The following KIF13B variants were observed in gnomAD, a reference collection of about 807,000 sequenced individuals.
KIF13B encodes the protein kinesin family member 13B, also known as kinesin-like protein KIF13B.
In KIF13B, 127 loss-of-function variants were observed where a neutral mutation model predicts 222.0. The observed-to-expected ratio is 0.57, with a 90% CI of 0.50 to 0.66. The LOEUF (loss-of-function observed/expected upper bound fraction) is 0.66. KIF13B is among the 30% of genes least tolerant of loss of function. KIF13B has a pLI of 0.00. For missense variants in KIF13B, 2,173 were observed against 2,379.0 expected, an observed-to-expected ratio of 0.91 and a Z score of 1.80; for synonymous variants, 976 against 919.0, an observed-to-expected ratio of 1.06 and a Z score of -1.12.
intron 36 of KIF13B, among the ~76,000 whole-genome samples, chr8:29,095,733 C>T (rs936237356): frequency 2.2e-4 from 34 of 152,150 alleles, no homozygotes; most frequent in African/African-American, 8.2e-4. Flanking sequence ...GGCCACTGCA[C>T]TCCAGCCTGG....
intron 2 of KIF13B, among the ~76,000 whole-genome samples, chr8:29,207,195 T>C (rs1219661328): frequency 6.6e-6 from 1 of 152,196 alleles, no homozygotes; most frequent in African/African-American, 2.4e-5. Context: ...CCTACGCCCG[T>C]GCTTATGCCT....
In KIF13B at chr8:29,070,403, CT is replaced by C. The variant is rs1807196807; in HGVS notation, c.*100del. ...GCAAAAAGCATTCATCGCCCTGCCCCTGGGGAAGGGGCCACCGGGCTCCTGG... is the reference window on the plus strand; with the variant it reads ...GCAAAAAGCATTCATCGCCCTGCCCCGGGGAAGGGGCCACCGGGCTCCTGG... On this transcript the variant is annotated 3_prime_UTR_variant, in exon 40 of 40. Coordinates refer to ENST00000524189, the MANE Select transcript of KIF13B (RefSeq NM_015254.4). The surrounding 1 kb of genome is among the most constrained non-coding windows in gnomAD (Gnocchi z 4.1). 1 of 1,367,220 alleles carries C rather than the reference CT, an allele frequency of 7.3e-7. No individual in the cohort carries two copies. Among genetic ancestry groups the C allele is most frequent in the Non-Finnish European group, 1.0e-6 (1 of 993,022 alleles). The allele number at this position is 1,367,220 out of a possible 1,614,324, so 84.7% of individuals were successfully genotyped here.
At chr8:29,208,296 A>C (rs1814048464) in intron 2 of KIF13B, among the ~76,000 whole-genome samples, 1 of 152,224 alleles carries the variant, frequency 6.6e-6, no homozygotes, top group African/African-American at 2.4e-5. Flanking sequence ...ATATGTGCAT[A>C]TTAATTTATT....
chr8:29,241,894 A>G (rs772101871), intron 2 of KIF13B, among the ~76,000 whole-genome samples: 1 of 152,134 alleles, frequency 6.6e-6, no homozygotes, highest in African/African-American at 2.4e-5. Context: ...GAAAAAAAGT[A>G]TGTTCGAGTT....
At chr8:29,098,321 T>C (rs34193330) in intron 36 of KIF13B, among the ~76,000 whole-genome samples, 1,802 of 148,720 alleles carry the variant, frequency 0.012, 22 homozygotes, top group Non-Finnish European at 0.02. Flanking sequence ...TAAATAAACT[T>C]GCCGGGTGCA....
intron 2 of KIF13B, among the ~76,000 whole-genome samples, chr8:29,235,543 G>A (rs1815469727): frequency 6.6e-6 from 1 of 152,158 alleles, no homozygotes; most frequent in South Asian, 2.1e-4. Context: ...AATCAATCAA[G>A]AGGCATCTAG....
chr8:29,185,142 C>T (rs567182788), intron 6 of KIF13B, among the ~76,000 whole-genome samples: 10 of 152,202 alleles, frequency 6.6e-5, no homozygotes, highest in Non-Finnish European at 1.0e-4. Flanking sequence ...CACTGAACTG[C>T]TGGATCATTC....
At chr8:29,136,133 G>C (rs998850734) in intron 21 of KIF13B, among the ~76,000 whole-genome samples, 25 of 152,044 alleles carry the variant, frequency 1.6e-4, no homozygotes, top group African/African-American at 5.6e-4. Flanking sequence ...AAACCAAACT[G>C]AGCAAACAAT....
chr8:29,101,969 T>C (rs1808808590), intron 35 of KIF13B, among the ~76,000 whole-genome samples: 3 of 152,134 alleles, frequency 2.0e-5, no homozygotes, highest in South Asian at 2.1e-4. Flanking sequence ...AAAGTGTGGT[T>C]CAGGGTCCGG....
At chr8:29,230,534 G>A (rs920217148) in intron 2 of KIF13B, among the ~76,000 whole-genome samples, 1 of 152,198 alleles carries the variant, frequency 6.6e-6, no homozygotes, top group African/African-American at 2.4e-5. Flanking sequence ...ACAGACAAGG[G>A]CATGCGAGAG....
At chr8:29,073,738 T>G (rs1403865857) in intron 38 of KIF13B, among the ~76,000 whole-genome samples, 1 of 152,170 alleles carries the variant, frequency 6.6e-6, no homozygotes, top group African/African-American at 2.4e-5. Flanking sequence ...GCTTGATAAA[T>G]CATGCGTTTT....
At chr8:29,259,329 T>G (rs540779593) in intron 1 of KIF13B, among the ~76,000 whole-genome samples, 7 of 152,348 alleles carry the variant, frequency 4.6e-5, no homozygotes, top group African/African-American at 1.7e-4. Flanking sequence ...GAAATAAATT[T>G]CTTGTCCATT....
chr8:29,096,505 G>A (rs1310766054), intron 36 of KIF13B, among the ~76,000 whole-genome samples: 1 of 151,646 alleles, frequency 6.6e-6, no homozygotes, highest in African/African-American at 2.4e-5. Context: ...TTGCCATGTT[G>A]CCCAGGCTGG....
intron 2 of KIF13B, among the ~76,000 whole-genome samples, chr8:29,196,763 T>C (rs1363286335): frequency 6.6e-6 from 1 of 152,152 alleles, no homozygotes; most frequent in Non-Finnish European, 1.5e-5. Flanking sequence ...TCGTATTTTT[T>C]CTGGATGTGG....
At chr8:29,227,909 C>T (rs1815096970) in intron 2 of KIF13B, among the ~76,000 whole-genome samples, 1 of 152,010 alleles carries the variant, frequency 6.6e-6, no homozygotes, top group African/African-American at 2.4e-5. Flanking sequence ...CATGATAGTG[C>T]CACTGCATTC....
chr8:29,129,008 C>T (rs553699445), intron 24 of KIF13B, among the ~76,000 whole-genome samples: 1 of 152,252 alleles, frequency 6.6e-6, no homozygotes, highest in East Asian at 1.9e-4. Flanking sequence ...ACTTTCTATC[C>T]AAATGGACCT....
At chr8:29,119,921 G>C (rs1809777743) in intron 29 of KIF13B, among the ~76,000 whole-genome samples, 1 of 152,156 alleles carries the variant, frequency 6.6e-6, no homozygotes, top group African/African-American at 2.4e-5. Context: ...CTGTCAGCTA[G>C]GTGGAAGAAA....
At position 29,068,700 on chromosome 8, in the gene KIF13B, A is replaced by G. The variant is rs1807113398; in HGVS notation, c.*1804T>C. 2 of 152,350 alleles carry G rather than the reference A, an allele frequency of 1.3e-5. No homozygotes were observed. Among genetic ancestry groups the G allele is most frequent in the South Asian group, 4.1e-4 (2 of 4,830 alleles). 9.4% of individuals were successfully genotyped at this position (152,350 alleles called of 1,614,324 possible). On this transcript the variant is annotated 3_prime_UTR_variant, in exon 40 of 40. Transcript: ENST00000524189. The surrounding 1 kb of genome is among the most constrained non-coding windows in gnomAD (Gnocchi z 4.4). ...CCCAGGCGTTTCCCCTCAGGGCAGC[A>G]GCAGTGCTGGCCTCTCACCCAGGCC...
At chr8:29,081,654 A>G (rs1471309228) in intron 37 of KIF13B, among the ~76,000 whole-genome samples, 4 of 152,250 alleles carry the variant, frequency 2.6e-5, no homozygotes. Context: ...TCAATACACT[A>G]GGTTAAACAA....
Sources: allele counts gnomAD v4.1 joint callset (sites outside exome capture counted in the v4.1 genomes callset), GRCh38; gene constraint gnomAD v4.1.1; non-coding constraint Gnocchi (gnomAD v3.1); transcripts MANE v1.5; gene names NCBI Gene and HGNC (gene_info 2026-07-23, HGNC 2026-07-21).